Variants in KCNN3 observed in about 807,000 individuals in gnomAD.
KCNN3 encodes small conductance calcium-activated potassium channel protein 3.
Under a neutral mutation model 62.9 loss-of-function variants are expected in KCNN3, and 16 were observed. That is an observed-to-expected ratio of 0.25 (90% CI 0.17 to 0.39). The LOEUF is 0.39. Among genes scored for constraint, KCNN3 ranks in the 10% least tolerant of loss-of-function variants. The pLI, the probability that KCNN3 is intolerant of heterozygous loss-of-function variation, is 1.00. For missense variants in KCNN3, 599 were observed against 949.4 expected, an observed-to-expected ratio of 0.63 and a Z score of 4.85; for synonymous variants, 370 against 389.2, an observed-to-expected ratio of 0.95 and a Z score of 0.58.
rs982103102 is a variant in KCNN3 at position 154,790,346 on chromosome 1, T to C, written c.1030-17953A>G. 5.3e-5 allele frequency among the ~76,000 whole-genome samples: 8 copies of C among 152,362 alleles called. No individual in the cohort carries two copies. The South Asian group carries it at 1.2e-3, about 24-fold the overall frequency. ...GGGTCACGTCCTGATGAGCCCGTTG[T>C]AAATTGAAAATATTGTAAGTAGAAA... is the stretch of plus-strand genomic sequence containing the variant. On this transcript the variant is annotated intron_variant, in intron 2 of 7. Coordinates refer to ENST00000271915, the MANE Select transcript of KCNN3 (RefSeq NM_002249.6).
intron 2 of KCNN3, among the ~76,000 whole-genome samples, chr1:154,793,713 C>A (rs529794511): frequency 6.6e-6 from 1 of 152,130 alleles, no homozygotes; most frequent in Non-Finnish European, 1.5e-5. Context: ...AGTGAAATAC[C>A]TCTAAGAATG....
At chr1:154,840,541 A>G (rs545771261) in intron 1 of KCNN3, among the ~76,000 whole-genome samples, 28 of 152,310 alleles carry the variant, frequency 1.8e-4, no homozygotes, top group African/African-American at 6.5e-4. Flanking sequence ...ACTGAAGCCA[A>G]TCCTTGTCAT....
intron 2 of KCNN3, among the ~76,000 whole-genome samples, chr1:154,775,550 C>T (rs1476206716): frequency 1.3e-5 from 2 of 152,112 alleles, no homozygotes; most frequent in East Asian, 3.8e-4. Flanking sequence ...GTGTTGATGG[C>T]CCTCTGAGCA....
intron 2 of KCNN3, among the ~76,000 whole-genome samples, chr1:154,820,193 G>T (rs1650832540): frequency 6.6e-6 from 1 of 152,252 alleles, no homozygotes; most frequent in Non-Finnish European, 1.5e-5. Context: ...CCGGAACTGA[G>T]TCAAGCTGCA....
At position 154,869,028 on chromosome 1, in the gene KCNN3, C is replaced by T. The variant is rs530451845; in HGVS notation, c.933+4G>A. 4.3e-6 allele frequency: 7 copies of T among 1,614,046 alleles called. No homozygotes were observed. The East Asian group carries it at 6.7e-5, about 15-fold the overall frequency. ...AAGGTATAAAGAGAAACCACAGCCC[C>T]TACCTTTGAGTACAAACCCCAAGAG... On this transcript the variant is annotated splice_donor_region_variant and intron_variant, in intron 1 of 7. Transcript: ENST00000271915. The surrounding 1 kb of genome is among the most constrained non-coding windows in gnomAD (Gnocchi z 6.1).
intron 4 of KCNN3, among the ~76,000 whole-genome samples, chr1:154,728,576 C>T (rs368700006): frequency 3.4e-5 from 5 of 147,872 alleles, no homozygotes; most frequent in East Asian, 4.0e-4. Context: ...GTGCGGGGTG[C>T]GGGGCGGGAA....
chr1:154,727,564 T>C (rs1330584704), intron 4 of KCNN3, among the ~76,000 whole-genome samples: 8 of 152,212 alleles, frequency 5.3e-5, no homozygotes, highest in Non-Finnish European at 2.9e-5. Flanking sequence ...TAAAACAATC[T>C]AGTGTTTCTC....
chr1:154,853,249 A>C (rs576222122), intron 1 of KCNN3, among the ~76,000 whole-genome samples: 1 of 152,192 alleles, frequency 6.6e-6, no homozygotes, highest in South Asian at 2.1e-4. Context: ...TTGGCCTCCC[A>C]AAGTGCCAGG....
chr1:154,725,189 T>G (rs1037481728), intron 5 of KCNN3, among the ~76,000 whole-genome samples: 1 of 152,178 alleles, frequency 6.6e-6, no homozygotes, highest in Admixed American at 6.5e-5. Context: ...TTTAAAGGAT[T>G]AGACTTAGGT....
intron 1 of KCNN3, among the ~76,000 whole-genome samples, chr1:154,842,745 T>C (rs991640944): frequency 1.3e-5 from 2 of 150,626 alleles, no homozygotes; most frequent in Admixed American, 1.3e-4. Flanking sequence ...TATATTACAC[T>C]ACACTGTGCT....
intron 1 of KCNN3, among the ~76,000 whole-genome samples, chr1:154,825,939 TCGGGAGA>T (rs1306428682): frequency 6.6e-6 from 1 of 150,898 alleles, no homozygotes; most frequent in African/African-American, 2.4e-5. Context: ...TCCCAGCTAC[TCGGGAGA>T]CTGAGGCAGG....
chr1:154,792,792 C>T (rs1291126532), intron 2 of KCNN3, among the ~76,000 whole-genome samples: 3 of 152,178 alleles, frequency 2.0e-5, no homozygotes, highest in Admixed American at 1.3e-4. Flanking sequence ...CCTATATGGG[C>T]TCCGAAGTTC....
At chr1:154,720,055 G>A (rs1700316031) in intron 5 of KCNN3, among the ~76,000 whole-genome samples, 1 of 152,224 alleles carries the variant, frequency 6.6e-6, no homozygotes, top group African/African-American at 2.4e-5. Flanking sequence ...CTCAGTTAGG[G>A]TGGAGTTAAG....
Position 154,771,035 on chromosome 1 carries a change from C to T in KCNN3, c.1448+940G>A, listed in dbSNP as rs541327144. The stretch of plus-strand genomic sequence containing the variant: ...CTATGCCACTGCACTCCAGCCTGGG[C>T]GAGAGAGCGAGACTCCATCTCAGAT... On this transcript the variant is annotated intron_variant, in intron 3 of 7. Coordinates refer to ENST00000271915, the MANE Select transcript of KCNN3 (RefSeq NM_002249.6). 3.5e-4 allele frequency among the ~76,000 whole-genome samples: 53 copies of T among 149,480 alleles called. No individual in the cohort carries two copies. In the South Asian group the frequency reaches 0.011, roughly 30 times the overall value.
At chr1:154,767,749 G>A (rs1373932875) in intron 3 of KCNN3, among the ~76,000 whole-genome samples, 3 of 152,214 alleles carry the variant, frequency 2.0e-5, no homozygotes, top group African/African-American at 4.8e-5. Flanking sequence ...AACCCATGAT[G>A]TAATGCCTCT....
At chr1:154,791,933 C>A (rs1024448978) in intron 2 of KCNN3, among the ~76,000 whole-genome samples, 3 of 152,224 alleles carry the variant, frequency 2.0e-5, no homozygotes, top group Non-Finnish European at 2.9e-5. Context: ...ATCTATAATA[C>A]CCTGTCTGTA....
At chr1:154,791,259 G>C (rs1649503698) in intron 2 of KCNN3, among the ~76,000 whole-genome samples, 2 of 149,314 alleles carry the variant, frequency 1.3e-5, no homozygotes, top group South Asian at 4.2e-4. Context: ...AGTTAGGATG[G>C]TATTTTATAT....
intron 4 of KCNN3, among the ~76,000 whole-genome samples, chr1:154,727,183 C>T (rs1442880392): frequency 6.6e-6 from 1 of 152,198 alleles, no homozygotes; most frequent in Non-Finnish European, 1.5e-5. Flanking sequence ...CCGCCCTGAC[C>T]ACCACTCATG....
chr1:154,709,774 A>G (rs12033857), intron 7 of KCNN3, among the ~76,000 whole-genome samples: 48,831 of 152,110 alleles, frequency 0.32, 8,615 homozygotes, highest in South Asian at 0.46. Flanking sequence ...TCAACATGAC[A>G]GAACCTCCTC....
Sources: gnomAD v4.1 joint callset for allele counts (sites outside exome capture counted in the v4.1 genomes callset) on GRCh38, gnomAD v4.1.1 for gene constraint, Gnocchi (gnomAD v3.1) non-coding constraint, MANE v1.5 for transcripts, NCBI Gene and HGNC (gene_info 2026-07-23, HGNC 2026-07-21) for gene names.